Variants in ATP8A2 observed in about 807,000 individuals in gnomAD.
ATP8A2 encodes the protein phospholipid-transporting ATPase IB.
A neutral mutation model predicts 165.6 loss-of-function variants in ATP8A2; 100 were observed. The ratio of observed to expected loss-of-function variants is 0.60; its 90% confidence interval spans 0.51 to 0.71. ATP8A2 has a LOEUF of 0.71. Among genes scored for constraint, ATP8A2 ranks in the 30% least tolerant of loss-of-function variants. The pLI is 0.00. For synonymous variants in ATP8A2, 543 were observed against 548.8 expected, an observed-to-expected ratio of 0.99 and a Z score of 0.15; for missense variants, 1,227 against 1,479.5, an observed-to-expected ratio of 0.83 and a Z score of 2.80.
At chr13:25,866,948 T>A (rs1237373407) in intron 33 of ATP8A2, among the ~76,000 whole-genome samples, 1 of 152,098 alleles carries the variant, frequency 6.6e-6, no homozygotes, top group Non-Finnish European at 1.5e-5. Context: ...AAGTAGGGAA[T>A]TACACCACGA....
At chr13:25,804,627 A>G (rs1288204023) in intron 27 of ATP8A2, among the ~76,000 whole-genome samples, 1 of 152,142 alleles carries the variant, frequency 6.6e-6, no homozygotes, top group Non-Finnish European at 1.5e-5. Context: ...GTCTTTAAAG[A>G]TGAGCTTTTC....
chr13:25,690,676 G>T (rs1352863563), intron 24 of ATP8A2, among the ~76,000 whole-genome samples: 30 of 152,192 alleles, frequency 2.0e-4, no homozygotes, highest in Admixed American at 1.9e-3. Context: ...GAGCATGCAG[G>T]TGTTTGTGAG....
At position 26,020,049 on chromosome 13, in the gene ATP8A2, A is replaced by G. The variant is rs1436098016; in HGVS notation, c.*64A>G. On this transcript the variant is annotated 3_prime_UTR_variant, in exon 37 of 37. Transcript: ENST00000381655. ...AGTTTGTTGCACCCAGTGTTAACAC[A>G]TCTTTGTCAGAGAAGACTGGCGTCA... 5.0e-6 allele frequency: 6 copies of G among 1,211,034 alleles called. No homozygotes were observed. Among genetic ancestry groups the G allele is most frequent in the Non-Finnish European group, 7.3e-6 (6 of 821,836 alleles). 75.0% of individuals were successfully genotyped at this position (1,211,034 alleles called of 1,614,324 possible).
intron 24 of ATP8A2, among the ~76,000 whole-genome samples, chr13:25,595,955 A>G (rs2040226101): frequency 6.7e-6 from 1 of 148,838 alleles, no homozygotes; most frequent in Non-Finnish European, 1.5e-5. Flanking sequence ...CAGCGCCCTA[A>G]CTTTCATGAA....
chr13:25,682,233 T>G (rs2042505106), intron 24 of ATP8A2, among the ~76,000 whole-genome samples: 2 of 152,192 alleles, frequency 1.3e-5, no homozygotes, highest in African/African-American at 4.8e-5. Flanking sequence ...ATGGCCCATC[T>G]TCTTGACCTT....
intron 27 of ATP8A2, among the ~76,000 whole-genome samples, chr13:25,826,874 G>C (rs998758022): frequency 6.8e-6 from 1 of 146,754 alleles, no homozygotes; most frequent in East Asian, 2.0e-4. Flanking sequence ...TGCTGCCTCC[G>C]TGTATTCAGA....
chr13:25,888,390 C>A (rs926502997), intron 33 of ATP8A2, among the ~76,000 whole-genome samples: 1 of 152,178 alleles, frequency 6.6e-6, no homozygotes, highest in Admixed American at 6.5e-5. Flanking sequence ...CCGGAATTGG[C>A]TGATAAGGGG....
chr13:26,013,425 A>G (rs747412368), intron 36 of ATP8A2, among the ~76,000 whole-genome samples: 8 of 152,232 alleles, frequency 5.3e-5, no homozygotes, highest in Non-Finnish European at 8.8e-5. Flanking sequence ...CTGTAATCCT[A>G]GAACTTTCGG....
At position 25,413,650 on chromosome 13, in the gene ATP8A2, G is replaced by A. The variant is rs74361409; in HGVS notation, c.76+41362G>A. ...TTCTGATTCTGATTTATCCTTAAGT[G>A]TAGTGTGGAGTTCAAGCCATTCTGT... is the stretch of plus-strand genomic sequence containing the variant. On this transcript the variant is annotated intron_variant, in intron 1 of 36. Coordinates refer to ENST00000381655, the MANE Select transcript of ATP8A2 (RefSeq NM_016529.6). Among the ~76,000 whole-genome samples the A allele has an allele frequency of 1.0e-2, 1,522 of 152,274 alleles. 19 individuals are homozygous for A. The highest frequency in any genetic ancestry group is 0.034 in the African/African-American group (1,405 of 41,556).
At chr13:25,666,148 A>ATAATTTTTATTAT (rs1566028400) in intron 24 of ATP8A2, among the ~76,000 whole-genome samples, 2 of 151,920 alleles carry the variant, frequency 1.3e-5, no homozygotes, top group South Asian at 4.2e-4. Flanking sequence ...GTTTCTTGGA[A>ATAATTTTTATTAT]CATTTTAATT....
At chr13:25,432,130 C>T (rs1489558720) in intron 1 of ATP8A2, among the ~76,000 whole-genome samples, 1 of 152,136 alleles carries the variant, frequency 6.6e-6, no homozygotes, top group Non-Finnish European at 1.5e-5. Flanking sequence ...TTTGTTTATC[C>T]GTGCATCAAT....
At chr13:25,837,395 C>G in intron 29 of ATP8A2, 110 bp downstream of exon 29, 1 of 1,208,668 alleles carries the variant, frequency 8.3e-7, no homozygotes, top group East Asian at 2.5e-5. Flanking sequence ...TTGAGAAGTG[C>G]TGAAAACATG....
intron 35 of ATP8A2, among the ~76,000 whole-genome samples, chr13:25,977,869 G>A (rs868577557): frequency 6.6e-6 from 1 of 152,190 alleles, no homozygotes; most frequent in Non-Finnish European, 1.5e-5. Flanking sequence ...TCCTCTTGAT[G>A]GAGGGAGGTA....
At chr13:25,910,718 G>A (rs894442689) in intron 33 of ATP8A2, among the ~76,000 whole-genome samples, 1 of 152,150 alleles carries the variant, frequency 6.6e-6, no homozygotes, top group African/African-American at 2.4e-5. Context: ...TCACAAGGTT[G>A]AATGAAGATG....
chr13:25,897,040 G>T (rs1242230835), intron 33 of ATP8A2, among the ~76,000 whole-genome samples: 13 of 152,098 alleles, frequency 8.5e-5, no homozygotes, highest in South Asian at 2.1e-4. Context: ...TACGTTTAAG[G>T]TTAGTATTGT....
chr13:25,573,117 T>G (rs2039514276), intron 18 of ATP8A2, among the ~76,000 whole-genome samples: 1 of 152,190 alleles, frequency 6.6e-6, no homozygotes, highest in South Asian at 2.1e-4. Context: ...GTACAGAAGC[T>G]TTTTTAAAAA....
chr13:25,506,957 A>ATG (rs1555285059), intron 2 of ATP8A2, among the ~76,000 whole-genome samples: 2 of 147,344 alleles, frequency 1.4e-5, no homozygotes, highest in African/African-American at 4.9e-5. Context: ...ATATATATAT[A>ATG]TATATCTTAT....
chr13:25,599,540 T>G (rs550739904), intron 24 of ATP8A2, among the ~76,000 whole-genome samples: 1 of 152,266 alleles, frequency 6.6e-6, no homozygotes. Flanking sequence ...AAAATGTAAG[T>G]AATCACTCTG....
chr13:25,937,457 G>T (rs1207143434), intron 33 of ATP8A2, among the ~76,000 whole-genome samples: 1 of 143,738 alleles, frequency 7.0e-6, no homozygotes, highest in Non-Finnish European at 1.5e-5. Flanking sequence ...TGCTTTTCTT[G>T]CTCTGAAAAC....
Sources: gnomAD v4.1 joint callset for allele counts (sites outside exome capture counted in the v4.1 genomes callset) on GRCh38, gnomAD v4.1.1 for gene constraint, MANE v1.5 for transcripts, NCBI Gene and HGNC (gene_info 2026-07-23, HGNC 2026-07-21) for gene names.